The following NSRP1 variants were observed in gnomAD, a reference collection of about 807,000 sequenced individuals.
NSRP1 encodes nuclear speckle splicing regulatory protein 1, also known as coiled-coil domain containing 55.
Under a neutral mutation model 54.7 loss-of-function variants are expected in NSRP1, and 24 were observed. The ratio of observed to expected loss-of-function variants is 0.44; its 90% CI spans 0.32 to 0.62. The LOEUF is 0.62. NSRP1 is among the 20% of genes least tolerant of loss of function. NSRP1 has a pLI of 0.06. For synonymous variants in NSRP1, 210 were observed against 213.8 expected, an observed-to-expected ratio of 0.98 and a Z score of 0.15; for missense variants, 596 against 651.2, an observed-to-expected ratio of 0.92 and a Z score of 0.92.
chr17:30,116,977 A>G (rs1033000454), intron 1 of NSRP1, 114 bp downstream of exon 1: 12 of 1,339,014 alleles, frequency 9.0e-6, no homozygotes, highest in African/African-American at 7.2e-5. Flanking sequence ...CGTCAAGGGT[A>G]GAGACGGGAA....
chr17:30,181,128 T>C, intron 6 of NSRP1, 112 bp downstream of exon 6: 2 of 729,082 alleles, frequency 2.7e-6, no homozygotes, highest in Non-Finnish European at 4.8e-6. Context: ...CATATTGTGT[T>C]GTCAGCCAGC....
At chr17:30,162,407 G>T (rs978202714) in intron 2 of NSRP1, among the ~76,000 whole-genome samples, 34 of 152,128 alleles carry the variant, frequency 2.2e-4, no homozygotes, top group African/African-American at 8.2e-4. Context: ...AAATGTTAGG[G>T]TACTCATCAC....
intron 2 of NSRP1, among the ~76,000 whole-genome samples, chr17:30,145,222 T>C (rs1156768432): frequency 6.6e-6 from 1 of 152,158 alleles, no homozygotes; most frequent in Admixed American, 6.5e-5. Context: ...TAGAAACCCT[T>C]GTGAAAGTTT....
At chr17:30,177,565 T>C (rs974750986) in intron 3 of NSRP1, among the ~76,000 whole-genome samples, 2 of 152,134 alleles carry the variant, frequency 1.3e-5, no homozygotes, top group South Asian at 4.2e-4. Flanking sequence ...GGAAGGAACA[T>C]GATAAAGGCA....
rs192076711 is a variant in NSRP1, at chr17:30,123,395, C to T, written c.114+5222C>T. ...CCTTCCAAAGTGCTGGGATTACAGGCATGAGCCACCGTGCCCGGCTTTACC... is the reference window on the plus strand; with the variant it reads ...CCTTCCAAAGTGCTGGGATTACAGGTATGAGCCACCGTGCCCGGCTTTACC... On this transcript the variant is annotated intron_variant, in intron 2 of 6. Transcript: ENST00000247026. 4.8e-3 allele frequency among the ~76,000 whole-genome samples: 730 copies of T among 152,354 alleles called. 6 individuals are homozygous for T. The highest frequency in any genetic ancestry group is 8.3e-3 in the Non-Finnish European group (565 of 68,034).
In NSRP1 at chr17:30,184,846, C is replaced by A. The variant is rs1332020185; in HGVS notation, c.849C>A (p.His283Gln). 1 of 1,614,080 alleles carries A rather than the reference C, an allele frequency of 6.2e-7. No individual in the cohort carries two copies. The highest frequency in any genetic ancestry group is 8.5e-7 in the Non-Finnish European group (1 of 1,180,028). The change falls in exon 7 of 7, where the codon CAC (histidine) becomes CAA (glutamine). Residue 283 changes from histidine to glutamine, a missense_variant. By Grantham distance (24) the His-to-Gln change is conservative. Coordinates refer to ENST00000247026, the MANE Select transcript of NSRP1 (RefSeq NM_032141.4). ...IETPENDFKH[H>Q]RSQNHSRSPS... is the part of the protein sequence containing the mutation. ...CCCCTGAGAATGACTTCAAGCACCACAGGAGTCAAAACCACTCTCGGTCAC... is the reference window on the plus strand; with the variant it reads ...CCCCTGAGAATGACTTCAAGCACCAAAGGAGTCAAAACCACTCTCGGTCAC...
In NSRP1 at chr17:30,178,131, A is replaced by G; in HGVS notation, c.232A>G (p.Ile78Val). The G allele has an allele frequency of 6.2e-7, 1 of 1,611,008 alleles. No individual in the cohort carries two copies. The highest frequency in any genetic ancestry group is 8.5e-7 in the Non-Finnish European group (1 of 1,179,108). Reference protein sequence around the residue: ...EDATVYEYDSIYDEMQKKKEE... With the variant: ...EDATVYEYDSVYDEMQKKKEE... ...TGCTACTGTGTATGAATATGACAGT[A>G]TTTATGATGAAATGCAGAAAAAAAA... Residue 78 changes from isoleucine to valine, a missense_variant, in exon 4 of 7, where the codon ATT becomes GTT. By Grantham distance (29) the Ile-to-Val change is conservative. Transcript: ENST00000247026.
intron 2 of NSRP1, among the ~76,000 whole-genome samples, chr17:30,121,932 A>G (rs1042727582): frequency 6.6e-6 from 1 of 152,050 alleles, no homozygotes; most frequent in African/African-American, 2.4e-5. Flanking sequence ...CTCACCCAGA[A>G]AGAAACTGTG....
intron 2 of NSRP1, among the ~76,000 whole-genome samples, chr17:30,129,273 A>AG (rs2071678863): frequency 6.6e-6 from 1 of 152,128 alleles, no homozygotes; most frequent in South Asian, 2.1e-4. Context: ...TTGAATACTT[A>AG]GGGTTGTACA....
rs566227863 is a variant in NSRP1 at position 30,132,648 on chromosome 17, CA to C, written c.114+14476del. On this transcript the variant is annotated intron_variant, in intron 2 of 6. Coordinates refer to ENST00000247026, the MANE Select transcript of NSRP1 (RefSeq NM_032141.4). The stretch of plus-strand genomic sequence containing the variant: ...AGATTGTCATCAATTCAAGTTTTAT[CA>C]TGAGCAGTTCAGTCACATCTTCAGA... Among the ~76,000 whole-genome samples the C allele has an allele frequency of 1.2e-4, 18 of 152,364 alleles. 1 individual carries two copies. In the South Asian group the frequency reaches 3.7e-3, roughly 32 times the overall value.
At chr17:30,165,015 C>T (rs72825892) in intron 2 of NSRP1, among the ~76,000 whole-genome samples, 2,334 of 151,988 alleles carry the variant, frequency 0.015, 36 homozygotes, top group Non-Finnish European at 0.027. Context: ...GTGGCAAGAA[C>T]GAAATGTTTT....
intron 3 of NSRP1, among the ~76,000 whole-genome samples, chr17:30,173,642 C>T (rs1034338650): frequency 6.6e-6 from 1 of 152,214 alleles, no homozygotes; most frequent in Non-Finnish European, 1.5e-5. Context: ...TGCCAGGCAT[C>T]ATGACAACTA....
chr17:30,147,990 T>G (rs565727204), intron 2 of NSRP1, among the ~76,000 whole-genome samples: 86 of 152,012 alleles, frequency 5.7e-4, no homozygotes, highest in African/African-American at 1.9e-3. Context: ...TTTTTGTATT[T>G]TTGGTAGAGT....
At position 30,140,914 on chromosome 17, in the gene NSRP1, A is replaced by G. The variant is rs146277339; in HGVS notation, c.114+22741A>G. Among the ~76,000 whole-genome samples, 244 of 152,310 alleles carry G rather than the reference A, an allele frequency of 1.6e-3. 1 individual carries two copies. The highest frequency in any genetic ancestry group is 5.5e-3 in the African/African-American group (230 of 41,584). ...TGTGTAGCCAGGACCTCCTGGGCTCAGGTAATCCTCCCACCTCAACCTCCT... is the reference window on the plus strand; with the variant it reads ...TGTGTAGCCAGGACCTCCTGGGCTCGGGTAATCCTCCCACCTCAACCTCCT... On this transcript the variant is annotated intron_variant, in intron 2 of 6. Coordinates refer to ENST00000247026, the MANE Select transcript of NSRP1 (RefSeq NM_032141.4).
chr17:30,118,071 T>A lies in NSRP1; in HGVS notation c.21-9T>A, dbSNP rs780222511. The A allele has an allele frequency of 1.9e-6, 3 of 1,604,956 alleles. No homozygotes were observed. The highest frequency in any genetic ancestry group is 1.7e-6 in the Non-Finnish European group (2 of 1,174,874). On this transcript the variant is annotated splice_polypyrimidine_tract_variant and intron_variant, in intron 1 of 6. Transcript: ENST00000247026. ...GGTTTAATTTCTATTTCAAAAAAAA[T>A]ATATGCAGGTATGGGCTTATTTTGC...
intron 2 of NSRP1, among the ~76,000 whole-genome samples, chr17:30,160,273 G>A (rs1567800811): frequency 6.6e-6 from 1 of 151,868 alleles, no homozygotes; most frequent in Non-Finnish European, 1.5e-5. Context: ...GTTTTGTTTT[G>A]TTTTTTAATG....
chr17:30,178,050 C>T (rs1905184510), intron 3 of NSRP1, 21 bp from the exon 4 acceptor site: 2 of 1,610,146 alleles, frequency 1.2e-6, no homozygotes, highest in Non-Finnish European at 1.7e-6. Flanking sequence ...ATTTTTGAAA[C>T]ATGTTTAATT....
chr17:30,118,377 C>CT (rs1287746196), intron 2 of NSRP1, among the ~76,000 whole-genome samples: 1 of 152,102 alleles, frequency 6.6e-6, no homozygotes, highest in Non-Finnish European at 1.5e-5. Context: ...CAAACTTTAC[C>CT]TTTAAACAAA....
chr17:30,144,757 T>A (rs190433373), intron 2 of NSRP1: 2 of 152,184 alleles, frequency 1.3e-5, no homozygotes, highest in African/African-American at 4.8e-5. Flanking sequence ...TTTTGAAACA[T>A]GTTCGGAGAA....
Sources: allele counts gnomAD v4.1 joint callset (sites outside exome capture counted in the v4.1 genomes callset), GRCh38; gene constraint gnomAD v4.1.1; transcripts MANE v1.5; gene names NCBI Gene and HGNC (gene_info 2026-07-23, HGNC 2026-07-21).